The following ARHGEF11 variants were observed in gnomAD, a reference collection of about 807,000 sequenced individuals.
ARHGEF11 encodes Rho guanine nucleotide exchange factor 11, also known as Rho guanine exchange factor (GEF) 11.
ARHGEF11 carries 55 observed loss-of-function variants against 193.7 expected under a neutral mutation model. That is an observed-to-expected ratio of 0.28 (90% CI 0.23 to 0.36). The LOEUF (loss-of-function observed/expected upper bound fraction) is 0.36, where lower values mean the gene tolerates loss of function less well. Among genes scored for constraint, ARHGEF11 ranks in the 10% least tolerant of loss-of-function variants. ARHGEF11 has a pLI of 1.00. For synonymous variants in ARHGEF11, 693 were observed against 768.0 expected (o/e 0.90, Z 1.62); for missense variants, 1,723 against 2,005.6 (o/e 0.86, Z 2.69).
At chr1:157,003,677 C>A (rs1667468165) in intron 1 of ARHGEF11, among the ~76,000 whole-genome samples, 2 of 152,248 alleles carry the variant, frequency 1.3e-5, no homozygotes, top group African/African-American at 4.8e-5. Flanking sequence ...CTAAGCCAGC[C>A]TGGCTCTGAG....
chr1:156,956,686 G>A (rs1449108298), intron 18 of ARHGEF11, 122 bp from the exon 19 acceptor site: 2 of 1,409,636 alleles, frequency 1.4e-6, no homozygotes, highest in Non-Finnish European at 9.6e-7. Context: ...AGTATTCAAA[G>A]AAAAGTCTAG....
At chr1:156,960,682 G>A (rs1660699278) in intron 14 of ARHGEF11, among the ~76,000 whole-genome samples, 1 of 152,216 alleles carries the variant, frequency 6.6e-6, no homozygotes, top group African/African-American at 2.4e-5. Context: ...ACTATATTCT[G>A]AGGGCGGCAC....
At chr1:156,991,782 T>C (rs1571393684) in intron 1 of ARHGEF11, among the ~76,000 whole-genome samples, 1 of 136,538 alleles carries the variant, frequency 7.3e-6, no homozygotes, top group East Asian at 2.3e-4. Context: ...AGTGGCGGGA[T>C]CTCGGCTCAC....
Position 157,045,085 on chromosome 1 carries a change from AAAAAT to A in ARHGEF11, c.-760_-756del, listed in dbSNP as rs1222684555. 6.6e-6 allele frequency: 1 copy of A among 152,006 alleles called. No homozygotes were observed. The highest frequency in any genetic ancestry group is 1.5e-5 in the Non-Finnish European group (1 of 68,006). 9.4% of individuals were successfully genotyped at this position (152,006 alleles called of 1,614,324 possible). On this transcript the variant is annotated 5_prime_UTR_variant, in exon 1 of 41. Transcript: ENST00000368194. ...TAAATGAGCCAATTGCACCAAAAAA[AAAAAT>A]AAAATAAAAATCAAAGAACACCTGA...
chr1:156,981,535 G>A (rs117377057), intron 3 of ARHGEF11, among the ~76,000 whole-genome samples: 4,095 of 152,268 alleles, frequency 0.027, 72 homozygotes, highest in South Asian at 0.055. Flanking sequence ...GGAGTGCAGC[G>A]GTGCGATTTT....
intron 1 of ARHGEF11, among the ~76,000 whole-genome samples, chr1:157,020,704 G>A (rs984946645): frequency 5.9e-5 from 9 of 152,300 alleles, no homozygotes; most frequent in South Asian, 4.1e-4. Context: ...AATATAATAC[G>A]GGGTTTTGTT....
chr1:157,035,978 AAT>A (rs1293362914), intron 1 of ARHGEF11, among the ~76,000 whole-genome samples: 2 of 12,130 alleles, frequency 1.6e-4, no homozygotes, highest in Non-Finnish European at 1.8e-4. Flanking sequence ...TATATATAGG[AAT>A]ATATATATAT....
At chr1:157,001,444 T>C (rs1667198011) in intron 1 of ARHGEF11, among the ~76,000 whole-genome samples, 1 of 152,230 alleles carries the variant, frequency 6.6e-6, no homozygotes, top group African/African-American at 2.4e-5. Context: ...ACTCTGGATC[T>C]CTCTGTTGTT....
intron 1 of ARHGEF11, among the ~76,000 whole-genome samples, chr1:157,009,700 T>A (rs941563512): frequency 2.6e-5 from 4 of 152,170 alleles, no homozygotes; most frequent in African/African-American, 9.7e-5. Context: ...CTAACACAGA[T>A]TCATGAGCTA....
At chr1:156,980,521 A>T in intron 3 of ARHGEF11, 35 bp from the exon 4 acceptor site, 2 of 1,570,496 alleles carry the variant, frequency 1.3e-6, no homozygotes, top group Non-Finnish European at 1.7e-6. Context: ...AGTGCCCAAC[A>T]ACCTCTTCCA....
chr1:156,953,406 C>A (rs1181977400), intron 21 of ARHGEF11, among the ~76,000 whole-genome samples: 3 of 152,166 alleles, frequency 2.0e-5, no homozygotes, highest in Non-Finnish European at 4.4e-5. Context: ...CCACTGCACT[C>A]CAGCCTGGGC....
intron 7 of ARHGEF11, among the ~76,000 whole-genome samples, chr1:156,972,146 T>C (rs544025378): frequency 6.6e-6 from 1 of 152,310 alleles, no homozygotes; most frequent in South Asian, 2.1e-4. Flanking sequence ...TATGAAATAT[T>C]TGATTGTCCA....
intron 18 of ARHGEF11, among the ~76,000 whole-genome samples, chr1:156,957,331 T>C (rs1351597385): frequency 2.0e-5 from 3 of 151,698 alleles, no homozygotes; most frequent in Non-Finnish European, 2.9e-5. Context: ...GATAAATATA[T>C]AGGCTGCAAA....
rs190300315 is a variant in ARHGEF11 at position 156,966,056 on chromosome 1, C to T, written c.963+1931G>A. On this transcript the variant is annotated intron_variant, in intron 11 of 40. Coordinates refer to ENST00000368194, the MANE Select transcript of ARHGEF11 (RefSeq NM_198236.3). ...GGAAGTAACAGCAGAGGGATAAATG[C>T]TCTAAGAGAAAAAAGATGCTGCTTG... Among the ~76,000 whole-genome samples the T allele has an allele frequency of 7.9e-4, 120 of 152,274 alleles. 1 individual carries two copies. The highest frequency in any genetic ancestry group is 3.1e-3 in the Admixed American group (48 of 15,292).
In ARHGEF11 at chr1:156,956,681, T is replaced by A. The variant is rs1660008652; in HGVS notation, c.1527-117A>T. ...AAGGGGTAGTTACAGGTGAAAGTAT[T>A]CAAAGAAAAGTCTAGAATAATTAAA... is the stretch of plus-strand genomic sequence containing the variant. On this transcript the variant is annotated intron_variant, in intron 18 of 40. Transcript: ENST00000368194. The A allele has an allele frequency of 3.4e-6, 5 of 1,459,664 alleles. No homozygotes were observed. In the South Asian group the frequency reaches 6.8e-5, roughly 20 times the overall value. The allele number at this position is 1,459,664 out of a possible 1,614,324, so 90.4% of individuals were successfully genotyped here. A position where few individuals can be genotyped will look rare whatever the true frequency, so the allele number is the denominator to read the frequency against.
intron 1 of ARHGEF11, among the ~76,000 whole-genome samples, chr1:157,002,335 G>A (rs998212717): frequency 7.9e-5 from 12 of 152,172 alleles, no homozygotes; most frequent in African/African-American, 1.9e-4. Context: ...ATTCTCCATC[G>A]AGTGAGGCAC....
intron 1 of ARHGEF11, among the ~76,000 whole-genome samples, chr1:157,006,034 A>G (rs1667779170): frequency 6.6e-6 from 1 of 152,272 alleles, no homozygotes; most frequent in South Asian, 2.1e-4. Flanking sequence ...ACATACACAT[A>G]AAACATTCAC....
intron 21 of ARHGEF11, among the ~76,000 whole-genome samples, chr1:156,953,581 TTAAAC>T (rs1267329955): frequency 2.0e-5 from 3 of 152,230 alleles, no homozygotes; most frequent in African/African-American, 7.2e-5. Context: ...TTAGTAACTT[TTAAAC>T]TAATTTGGAA....
intron 1 of ARHGEF11, among the ~76,000 whole-genome samples, chr1:157,038,407 A>C (rs572278932): frequency 6.6e-6 from 1 of 152,366 alleles, no homozygotes; most frequent in Non-Finnish European, 1.5e-5. Context: ...TAAGGAAGTC[A>C]ACAATGGTAA....
Sources: gnomAD v4.1 joint callset for allele counts (sites outside exome capture counted in the v4.1 genomes callset) on GRCh38, gnomAD v4.1.1 for gene constraint, MANE v1.5 for transcripts, NCBI Gene and HGNC (gene_info 2026-07-23, HGNC 2026-07-21) for gene names.